The following RPH3A variants were observed in gnomAD, a reference collection of about 807,000 sequenced individuals.
RPH3A encodes the protein rabphilin 3A.
In RPH3A, 48 loss-of-function variants were observed where a neutral mutation model predicts 102.2. The ratio of observed to expected loss-of-function variants is 0.47; its 90% CI spans 0.37 to 0.60. The LOEUF is 0.60. Among genes scored for constraint, RPH3A ranks in the 20% least tolerant of loss-of-function variants. RPH3A has a pLI of 0.00. For missense variants in RPH3A, 781 were observed against 910.1 expected, an observed-to-expected ratio of 0.86 and a Z score of 1.83; for synonymous variants, 310 against 324.3, an observed-to-expected ratio of 0.96 and a Z score of 0.47.
At chr12:112,719,339 A>T (rs1031829829) in intron 1 of RPH3A, among the ~76,000 whole-genome samples, 1 of 152,226 alleles carries the variant, frequency 6.6e-6, no homozygotes, top group African/African-American at 2.4e-5. Context: ...TCCACCAGAG[A>T]TTAATCCTGC....
intron 1 of RPH3A, among the ~76,000 whole-genome samples, chr12:112,599,842 G>A (rs779158729): frequency 3.3e-5 from 5 of 152,142 alleles, no homozygotes; most frequent in Admixed American, 6.6e-5. Context: ...TAGCTGTCCC[G>A]ATTTTGCCCC....
At chr12:112,728,337 T>A (rs1592967189) in intron 1 of RPH3A, among the ~76,000 whole-genome samples, 1 of 152,056 alleles carries the variant, frequency 6.6e-6, no homozygotes, top group African/African-American at 2.4e-5. Flanking sequence ...CATGTTTTCA[T>A]AGCATCTTGA....
intron 1 of RPH3A, among the ~76,000 whole-genome samples, chr12:112,664,810 T>C (rs551118508): frequency 4.2e-4 from 64 of 152,196 alleles, no homozygotes. Flanking sequence ...GTGTCTTCTA[T>C]GGACAGCGCA....
chr12:112,806,322 G>A (rs565559976), intron 2 of RPH3A, among the ~76,000 whole-genome samples: 58 of 152,300 alleles, frequency 3.8e-4, no homozygotes, highest in African/African-American at 1.4e-3. Flanking sequence ...TGTGAAAAAC[G>A]TTTTAAGAAC....
intron 4 of RPH3A, among the ~76,000 whole-genome samples, chr12:112,840,332 T>C (rs1222902862): frequency 6.6e-6 from 1 of 152,204 alleles, no homozygotes; most frequent in Admixed American, 6.5e-5. Context: ...TTGAGAACAT[T>C]TTAATTCTAA....
At chr12:112,812,685 C>A (rs571130877) in intron 2 of RPH3A, among the ~76,000 whole-genome samples, 1 of 152,272 alleles carries the variant, frequency 6.6e-6, no homozygotes, top group African/African-American at 2.4e-5. Context: ...CTCTCTCTCT[C>A]TCTTCCCCTC....
At chr12:112,764,654 C>CT (rs1218228490) in intron 1 of RPH3A, among the ~76,000 whole-genome samples, 1 of 151,940 alleles carries the variant, frequency 6.6e-6, no homozygotes, top group African/African-American at 2.4e-5. Context: ...CCCTCTCCAC[C>CT]TTCCCTGCCT....
chr12:112,730,756 T>G (rs1276575934), intron 1 of RPH3A, among the ~76,000 whole-genome samples: 1 of 152,050 alleles, frequency 6.6e-6, no homozygotes, highest in Non-Finnish European at 1.5e-5. Context: ...TTAACCAACG[T>G]CATTGGAAGC....
intron 1 of RPH3A, among the ~76,000 whole-genome samples, chr12:112,783,068 G>C (rs973471113): frequency 1.3e-5 from 2 of 152,128 alleles, no homozygotes; most frequent in African/African-American, 4.8e-5. Context: ...CTGAGAGATG[G>C]GCTCTCACCA....
chr12:112,765,779 G>C (rs113619137), intron 1 of RPH3A, among the ~76,000 whole-genome samples: 3 of 152,242 alleles, frequency 2.0e-5, no homozygotes, highest in African/African-American at 7.2e-5. Flanking sequence ...ACCACACCTC[G>C]CTCATCTTAG....
At position 112,584,865 on chromosome 12, in the gene RPH3A, T is replaced by C. The variant is rs61942272; in HGVS notation, c.-140+9546T>C. On this transcript the variant is annotated intron_variant, in intron 1 of 21. Transcript: ENST00000543106. ...AGGATTAATAGGATAGATGTATATA[T>C]AAAGGGAGTTTATTGAAGAGTATTG... Among the ~76,000 whole-genome samples, 1,408 of 152,154 alleles carry C rather than the reference T, an allele frequency of 9.3e-3. 39 individuals are homozygous for C. Among genetic ancestry groups the C allele is most frequent in the Non-Finnish European group, 7.0e-3 (476 of 68,008 alleles).
chr12:112,897,147 C>T lies in RPH3A; in HGVS notation c.*367C>T, dbSNP rs2043193293. On this transcript the variant is annotated 3_prime_UTR_variant, in exon 22 of 22. Transcript: ENST00000389385. ...TCCTAGCCTTGAACACACACATGTA[C>T]ACACACACACACACACACACACACA... 1.5e-5 allele frequency: 1 copy of T among 68,814 alleles called. No homozygotes were observed. The highest frequency in any genetic ancestry group is 3.5e-5 in the Non-Finnish European group (1 of 28,890). 4.3% of individuals were successfully genotyped at this position (68,814 alleles called of 1,614,324 possible).
At chr12:112,605,652 T>C (rs1246466004) in intron 1 of RPH3A, among the ~76,000 whole-genome samples, 1 of 152,238 alleles carries the variant, frequency 6.6e-6, no homozygotes, top group African/African-American at 2.4e-5. Context: ...AGAGTTCCTC[T>C]CAGCTCTTTC....
intron 1 of RPH3A, among the ~76,000 whole-genome samples, chr12:112,656,951 T>G (rs547271780): frequency 1.1e-4 from 16 of 152,088 alleles, no homozygotes; most frequent in Admixed American, 7.9e-4. Context: ...ATTTATTTTT[T>G]GGGGGTAGAT....
intron 2 of RPH3A, among the ~76,000 whole-genome samples, chr12:112,818,978 A>G (rs74972151): frequency 6.0e-4 from 92 of 152,086 alleles, no homozygotes; most frequent in African/African-American, 2.1e-3. Context: ...GCCCCTTCAC[A>G]TGAATTAACT....
chr12:112,805,465 CCT>C (rs1309966647), intron 2 of RPH3A, among the ~76,000 whole-genome samples: 1 of 152,130 alleles, frequency 6.6e-6, no homozygotes, highest in Non-Finnish European at 1.5e-5. Context: ...GAGGATGAAT[CCT>C]CTTTTTCACT....
chr12:112,582,413 GA>G (rs938300032), intron 1 of RPH3A, among the ~76,000 whole-genome samples: 1 of 146,448 alleles, frequency 6.8e-6, no homozygotes, highest in African/African-American at 2.5e-5. Flanking sequence ...GCCTGGCCAT[GA>G]AAAACAGGCA....
chr12:112,875,271 A>G, intron 11 of RPH3A, 101 bp downstream of exon 11: 1 of 882,068 alleles, frequency 1.1e-6, no homozygotes, highest in Non-Finnish European at 1.7e-6. Flanking sequence ...CTTTCTGCAA[A>G]GCTGCAGCCA....
chr12:112,849,742 A>G (rs1489185579), intron 5 of RPH3A, among the ~76,000 whole-genome samples: 1 of 152,236 alleles, frequency 6.6e-6, no homozygotes, highest in East Asian at 1.9e-4. Flanking sequence ...ATGAATGAAC[A>G]TGGAAGATGA....
Sources: gnomAD v4.1 joint callset for allele counts (sites outside exome capture counted in the v4.1 genomes callset) on GRCh38, gnomAD v4.1.1 for gene constraint, MANE v1.5 for transcripts, NCBI Gene and HGNC (gene_info 2026-07-23, HGNC 2026-07-21) for gene names.